Variants in PLA2G6 observed in about 807,000 individuals in gnomAD.
PLA2G6 encodes 85/88 kDa calcium-independent phospholipase A2.
In PLA2G6, 62 loss-of-function variants were observed where a neutral mutation model predicts 83.8. The observed-to-expected ratio is 0.74, with a 90% confidence interval of 0.60 to 0.91. The LOEUF (loss-of-function observed/expected upper bound fraction) is 0.91. PLA2G6 is among the 40% of genes least tolerant of loss of function. PLA2G6 has a pLI of 0.00. For synonymous variants in PLA2G6, 417 were observed against 449.8 expected, an observed-to-expected ratio of 0.93 and a Z score of 0.92; for missense variants, 944 against 1,102.0, an observed-to-expected ratio of 0.86 and a Z score of 2.03.
chr22:38,123,899 G>A lies in PLA2G6; in HGVS notation c.1428-641C>T, dbSNP rs762608796. Among the ~76,000 whole-genome samples the A allele has an allele frequency of 2.6e-5, 4 of 152,166 alleles. No homozygotes were observed. The highest frequency in any genetic ancestry group is 4.1e-4 in the South Asian group (2 of 4,826). On this transcript the variant is annotated intron_variant, in intron 10 of 16. Coordinates refer to ENST00000332509, the MANE Select transcript of PLA2G6 (RefSeq NM_003560.4). This position sits in a 1 kb window ranked among gnomAD's most constrained non-coding sequence, Gnocchi z 4.1. The stretch of plus-strand genomic sequence containing the variant: ...TGCCCAGGCTGGAGTGCAATAACGC[G>A]ATCTCGGCTCACCGCAACCTCTGCC...
rs979358081 is a variant in PLA2G6 at position 38,169,484 on chromosome 22, G to A, written c.-45-13C>T. On this transcript the variant is annotated splice_polypyrimidine_tract_variant and intron_variant, in intron 1 of 16. Coordinates refer to ENST00000332509, the MANE Select transcript of PLA2G6 (RefSeq NM_003560.4). Reference sequence around the variant, plus strand: ...CTTCCCCCTCTGTCTGGAAGAAAACGAGGTCTCTGGTCAGCCAGGCACAGT... The same window carrying A: ...CTTCCCCCTCTGTCTGGAAGAAAACAAGGTCTCTGGTCAGCCAGGCACAGT... The A allele has an allele frequency of 6.1e-6, 9 of 1,476,702 alleles. No individual in the cohort carries two copies. The highest frequency in any genetic ancestry group is 5.6e-6 in the Non-Finnish European group (6 of 1,067,130). The allele number at this position is 1,476,702 out of a possible 1,614,324, so 91.5% of individuals were successfully genotyped here.
chr22:38,155,672 T>C (rs191650211), intron 2 of PLA2G6, among the ~76,000 whole-genome samples: 55 of 151,978 alleles, frequency 3.6e-4, no homozygotes, highest in Non-Finnish European at 6.5e-4. Flanking sequence ...TCAAAAAACA[T>C]ACAGCAGATA....
intron 14 of PLA2G6, among the ~76,000 whole-genome samples, chr22:38,114,204 G>A (rs2087048925): frequency 6.7e-6 from 1 of 148,270 alleles, no homozygotes; most frequent in South Asian, 2.2e-4. Flanking sequence ...TTTTTGAGAC[G>A]GAGTCTCGCT....
Position 38,170,186 on chromosome 22 carries a change from ACT to A in PLA2G6, c.-45-717_-45-716del, listed in dbSNP as rs2090382914. 6.7e-5 allele frequency among the ~76,000 whole-genome samples: 9 copies of A among 134,270 alleles called. No homozygotes were observed. The South Asian group carries it at 2.2e-3, about 32-fold the overall frequency. 88.1% of individuals were successfully genotyped at this position (134,270 alleles called of 152,430 possible). ...GCACTCCAGCCTGGGCGATAGGGTG[ACT>A]CTGTCTCAAAAAAAAAAAAAAAAAA... On this transcript the variant is annotated intron_variant, in intron 1 of 16. Coordinates refer to ENST00000332509, the MANE Select transcript of PLA2G6 (RefSeq NM_003560.4).
At chr22:38,114,654 C>T (rs1165250335) in intron 14 of PLA2G6, among the ~76,000 whole-genome samples, 1 of 152,186 alleles carries the variant, frequency 6.6e-6, no homozygotes, top group Non-Finnish European at 1.5e-5. Flanking sequence ...GAAGCCCGCC[C>T]TGCCCGATCT....
intron 11 of PLA2G6, among the ~76,000 whole-genome samples, chr22:38,121,462 T>G (rs1297665378): frequency 3.3e-5 from 5 of 152,160 alleles, no homozygotes; most frequent in Non-Finnish European, 7.3e-5. Flanking sequence ...AGTAAAAGCT[T>G]ATAAAAGCTA....
In PLA2G6 at chr22:38,124,026, G is replaced by C. The variant is rs375605907; in HGVS notation, c.1428-768C>G. Among the ~76,000 whole-genome samples, 48 of 152,198 alleles carry C rather than the reference G, an allele frequency of 3.2e-4. No homozygotes were observed. The South Asian group carries it at 9.8e-3, about 31-fold the overall frequency. On this transcript the variant is annotated intron_variant, in intron 10 of 16. Coordinates refer to ENST00000332509, the MANE Select transcript of PLA2G6 (RefSeq NM_003560.4). Reference sequence around the variant, plus strand: ...AATTTTGTATTTTTAATAGAGACGGGGTTTCTCCATGTTGGCCAGGCTGGT... The same window carrying C: ...AATTTTGTATTTTTAATAGAGACGGCGTTTCTCCATGTTGGCCAGGCTGGT...
Position 38,123,717 on chromosome 22 carries a change from GGGA to G in PLA2G6, c.1428-462_1428-460del, listed in dbSNP as rs1394598919. Among the ~76,000 whole-genome samples the G allele has an allele frequency of 2.6e-4, 40 of 152,278 alleles. 2 individuals are homozygous for G. Among genetic ancestry groups the G allele is most frequent in the Middle Eastern group, 3.4e-3 (1 of 294 alleles). ...CCTCCACACAAGGTGGAAGAAGCAG[GGGA>G]GGAGGGGGCAGGGAGGAAGGGAGAG... On this transcript the variant is annotated intron_variant, in intron 10 of 16. Coordinates refer to ENST00000332509, the MANE Select transcript of PLA2G6 (RefSeq NM_003560.4). This position sits in a 1 kb window ranked among gnomAD's most constrained non-coding sequence, Gnocchi z 4.1.
intron 4 of PLA2G6, chr22:38,142,804 C>T: frequency 2.3e-6 from 1 of 437,962 alleles, no homozygotes. Flanking sequence ...ACAGTTTGTG[C>T]TCAGGAAAAG....
chr22:38,118,847 G>A (rs2087363615), intron 12 of PLA2G6, among the ~76,000 whole-genome samples: 1 of 151,502 alleles, frequency 6.6e-6, no homozygotes, highest in African/African-American at 2.4e-5. Flanking sequence ...TCAGCCTCCG[G>A]GGCTCAAGTG....
intron 15 of PLA2G6, 142 bp downstream of exon 15, chr22:38,113,341 ACTCT>A (rs760732471): frequency 4.1e-4 from 333 of 809,640 alleles, no homozygotes; most frequent in Non-Finnish European, 6.6e-4. Context: ...TGAACTGTGG[ACTCT>A]CTCTCCCTCC....
intron 2 of PLA2G6, chr22:38,148,914 T>C (rs993983796): frequency 9.3e-5 from 18 of 193,690 alleles, no homozygotes; most frequent in Non-Finnish European, 1.8e-4. Flanking sequence ...TCACCCAGGC[T>C]GGAGTGCAGT....
chr22:38,128,148 A>G lies in PLA2G6; in HGVS notation c.1348+121T>C. 9.1e-7 allele frequency: 1 copy of G among 1,098,924 alleles called. No homozygotes were observed. Among genetic ancestry groups the G allele is most frequent in the South Asian group, 1.3e-5 (1 of 74,508 alleles). The allele number at this position is 1,098,924 out of a possible 1,614,324, so 68.1% of individuals were successfully genotyped here. The stretch of plus-strand genomic sequence containing the variant: ...CCTAGAGGCTGACAACTCCGGCCCC[A>G]TCCTCCCCGGCTTCCTTTAGTGACT... On this transcript the variant is annotated intron_variant, in intron 9 of 16. Coordinates refer to ENST00000332509, the MANE Select transcript of PLA2G6 (RefSeq NM_003560.4). This position sits in a 1 kb window ranked among gnomAD's most constrained non-coding sequence, Gnocchi z 4.4.
Position 38,112,291 on chromosome 22 carries a change from A to C in PLA2G6, c.2291T>G (p.Leu764Arg). 6.2e-7 allele frequency: 1 copy of C among 1,613,582 alleles called. No homozygotes were observed. Among genetic ancestry groups the C allele is most frequent in the Non-Finnish European group, 8.5e-7 (1 of 1,179,892 alleles). ...GIQYFRLNPQ[L>R]GTDIMLDEVS... is the part of the protein sequence containing the mutation. ...CTCATCCAGCATGATGTCCGTCCCC[A>C]GCTGGGGGTTCAATCTGTTCGGGCC... is the stretch of plus-strand genomic sequence containing the variant. Residue 764 changes from leucine (L) to arginine (R), a missense_variant, in exon 17 of 17, where the codon CTG becomes CGG. Coordinates refer to ENST00000332509, the MANE Select transcript of PLA2G6 (RefSeq NM_003560.4).
At chr22:38,169,138 C>T (rs1225950067) in intron 2 of PLA2G6, 80 bp downstream of exon 2, 4 of 1,115,982 alleles carry the variant, frequency 3.6e-6, no homozygotes, top group African/African-American at 1.5e-5. Flanking sequence ...AAAGAAACTG[C>T]TTCTCGGCCA....
At chr22:38,161,470 G>A (rs2090008409) in intron 2 of PLA2G6, among the ~76,000 whole-genome samples, 1 of 152,040 alleles carries the variant, frequency 6.6e-6, no homozygotes, top group Admixed American at 6.6e-5. Context: ...ATCACACGAG[G>A]GATTGGGGCT....
intron 4 of PLA2G6, chr22:38,140,577 A>G (rs1384346445): frequency 4.1e-6 from 1 of 246,706 alleles, no homozygotes; most frequent in East Asian, 1.1e-4. Context: ...GAAGGGGTCG[A>G]CCTGGCATGA....
intron 2 of PLA2G6, among the ~76,000 whole-genome samples, chr22:38,151,405 A>C (rs1029236962): frequency 2.0e-5 from 3 of 151,918 alleles, no homozygotes; most frequent in Non-Finnish European, 4.4e-5. Context: ...ACACCTGGCT[A>C]ATTTTTTGTA....
chr22:38,171,951 C>T (rs958704996), intron 1 of PLA2G6, among the ~76,000 whole-genome samples: 1 of 152,046 alleles, frequency 6.6e-6, no homozygotes, highest in African/African-American at 2.4e-5. Flanking sequence ...TGTGAGTCAC[C>T]GTGTCTGGCC....
Sources: gnomAD v4.1 joint callset for allele counts (sites outside exome capture counted in the v4.1 genomes callset) on GRCh38, gnomAD v4.1.1 for gene constraint, Gnocchi (gnomAD v3.1) non-coding constraint, MANE v1.5 for transcripts, NCBI Gene and HGNC (gene_info 2026-07-23, HGNC 2026-07-21) for gene names.